CIBAR1: variants seen among roughly 807,000 people sequenced by gnomAD.
CIBAR1 encodes CBY1-interacting BAR domain-containing protein 1.
A neutral mutation model predicts 44.0 loss-of-function variants in CIBAR1; 25 were observed. The observed-to-expected ratio is 0.57, with a 90% confidence interval of 0.41 to 0.79. The LOEUF (loss-of-function observed/expected upper bound fraction) is 0.79, where lower values mean the gene tolerates loss of function less well. Ranked by LOEUF, CIBAR1 falls within the 30% of genes least tolerant of loss-of-function variation. The pLI is 0.00. For missense variants in CIBAR1, 278 were observed against 344.8 expected, an observed-to-expected ratio of 0.81 and a Z score of 1.53; for synonymous variants, 115 against 119.0, an observed-to-expected ratio of 0.97 and a Z score of 0.22.
chr8:93,723,937 G>C (rs1453742410), intron 7 of CIBAR1, among the ~76,000 whole-genome samples: 2 of 152,184 alleles, frequency 1.3e-5, no homozygotes, highest in Non-Finnish European at 2.9e-5. Flanking sequence ...AAAAGTTTTA[G>C]AATAGAGAAA....
At chr8:93,707,766 C>T (rs892260673) in intron 4 of CIBAR1, among the ~76,000 whole-genome samples, 1 of 152,096 alleles carries the variant, frequency 6.6e-6, no homozygotes, top group African/African-American at 2.4e-5. Context: ...TAAAATTCTA[C>T]ACCCCATATT....
At position 93,729,541 on chromosome 8, in the gene CIBAR1, A is replaced by G. The variant is rs965106678; in HGVS notation, c.*1244A>G. The stretch of plus-strand genomic sequence containing the variant: ...TTGTTTGTAAAGTTAAAACTGCGTA[A>G]AACAGTAATTCTGGAATAAAACATA... On this transcript the variant is annotated 3_prime_UTR_variant, in exon 9 of 9. Coordinates refer to ENST00000518322, the MANE Select transcript of CIBAR1 (RefSeq NM_145269.5). The G allele has an allele frequency of 9.8e-5, 15 of 152,286 alleles. No individual in the cohort carries two copies. Among genetic ancestry groups the G allele is most frequent in the Middle Eastern group, 3.4e-3 (1 of 294 alleles). The allele number at this position is 152,286 out of a possible 1,614,324, so 9.4% of individuals were successfully genotyped here.
chr8:93,715,166 A>G (rs1315599682), intron 6 of CIBAR1, among the ~76,000 whole-genome samples: 2 of 152,208 alleles, frequency 1.3e-5, no homozygotes, highest in Non-Finnish European at 2.9e-5. Flanking sequence ...TCTCTCTGAA[A>G]TCGGCTGGCA....
At chr8:93,720,873 A>T (rs1811237609) in intron 7 of CIBAR1, 1 of 152,184 alleles carries the variant, frequency 6.6e-6, no homozygotes, top group Non-Finnish European at 1.5e-5. Flanking sequence ...CCATCCAAAA[A>T]AAAAAACTTG....
At chr8:93,714,714 G>C (rs1429155199) in intron 6 of CIBAR1, among the ~76,000 whole-genome samples, 2 of 151,770 alleles carry the variant, frequency 1.3e-5, no homozygotes, top group East Asian at 3.9e-4. Context: ...AAACTCCTGG[G>C]CTCAAGCAAT....
intron 8 of CIBAR1, 30 bp downstream of exon 8, chr8:93,726,543 T>C (rs369686288): frequency 2.4e-5 from 38 of 1,610,106 alleles, no homozygotes; most frequent in African/African-American, 4.0e-5. Context: ...CTAAAGGAAT[T>C]TGAGCTGCTG....
At chr8:93,711,983 A>G (rs564299213) in intron 6 of CIBAR1, among the ~76,000 whole-genome samples, 25 of 152,320 alleles carry the variant, frequency 1.6e-4, no homozygotes, top group Non-Finnish European at 2.1e-4. Flanking sequence ...AGAGAAGAAA[A>G]GAGCTTCTGA....
At chr8:93,712,370 A>G (rs1208602441) in intron 6 of CIBAR1, among the ~76,000 whole-genome samples, 2 of 152,186 alleles carry the variant, frequency 1.3e-5, no homozygotes, top group African/African-American at 4.8e-5. Flanking sequence ...ATGTTGTAGG[A>G]TGTATCAGTA....
chr8:93,709,906 TG>T (rs1395463546), intron 6 of CIBAR1, 31 bp downstream of exon 6: 1 of 1,504,320 alleles, frequency 6.6e-7, no homozygotes, highest in Admixed American at 1.9e-5. Context: ...GTTCAAAACA[TG>T]TTTTTAACCT....
chr8:93,721,573 A>T (rs1385510905), intron 7 of CIBAR1, among the ~76,000 whole-genome samples: 1 of 152,186 alleles, frequency 6.6e-6, no homozygotes, highest in Non-Finnish European at 1.5e-5. Context: ...AGTAATACTG[A>T]GCAAGTTAAC....
intron 7 of CIBAR1, among the ~76,000 whole-genome samples, chr8:93,723,268 C>T (rs991724706): frequency 7.9e-5 from 12 of 152,148 alleles, no homozygotes; most frequent in East Asian, 1.9e-4. Flanking sequence ...AGTGCTGGGA[C>T]TGCAGGCGTG....
intron 6 of CIBAR1, among the ~76,000 whole-genome samples, chr8:93,717,975 C>T (rs1007505436): frequency 1.6e-4 from 24 of 152,084 alleles, no homozygotes; most frequent in African/African-American, 5.6e-4. Context: ...GTTACCTGCA[C>T]GGTTTATCTG....
chr8:93,708,970 G>C (rs1259038178), intron 5 of CIBAR1, among the ~76,000 whole-genome samples: 1 of 152,118 alleles, frequency 6.6e-6, no homozygotes, highest in African/African-American at 2.4e-5. Context: ...AGTCCTATGA[G>C]ATAAGCATAA....
intron 7 of CIBAR1, among the ~76,000 whole-genome samples, chr8:93,722,616 T>A (rs1268040585): frequency 6.6e-6 from 1 of 152,128 alleles, no homozygotes; most frequent in East Asian, 1.9e-4. Context: ...AAGGAATCGC[T>A]TGAACCTGGG....
intron 7 of CIBAR1, among the ~76,000 whole-genome samples, chr8:93,722,988 A>C (rs1285702435): frequency 6.6e-6 from 1 of 152,034 alleles, no homozygotes; most frequent in African/African-American, 2.4e-5. Flanking sequence ...CATTGCATTT[A>C]TTTTTTATTT....
intron 2 of CIBAR1, chr8:93,702,194 A>C (rs1319629403): frequency 5.7e-5 from 23 of 406,490 alleles, no homozygotes; most frequent in Non-Finnish European, 1.1e-4. Context: ...AATTTTCAAA[A>C]AACAGAATGA....
chr8:93,726,673 G>T (rs1811523395), intron 8 of CIBAR1, 160 bp downstream of exon 8: 3 of 762,112 alleles, frequency 3.9e-6, no homozygotes, highest in Non-Finnish European at 6.4e-6. Context: ...ATTAAGTGCA[G>T]CTCTATTATT....
intron 7 of CIBAR1, 105 bp from the exon 8 acceptor site, chr8:93,726,289 G>T: frequency 3.4e-5 from 32 of 931,886 alleles, no homozygotes; most frequent in South Asian, 1.0e-4. Flanking sequence ...TGTCCATTTG[G>T]GGGGAGTTGT....
intron 7 of CIBAR1, 137 bp downstream of exon 7, chr8:93,718,925 G>A: frequency 2.2e-6 from 1 of 458,962 alleles, no homozygotes; most frequent in Non-Finnish European, 3.8e-6. Flanking sequence ...GTGCAGTAGT[G>A]TGATCTCAGC....
Sources: gnomAD v4.1 joint callset for allele counts (sites outside exome capture counted in the v4.1 genomes callset) on GRCh38, gnomAD v4.1.1 for gene constraint, MANE v1.5 for transcripts, NCBI Gene and HGNC (gene_info 2026-07-23, HGNC 2026-07-21) for gene names.